ASAP2: variants seen among roughly 807,000 people sequenced by gnomAD.
The protein encoded by ASAP2 is arf-GAP with SH3 domain, ANK repeat and PH domain-containing protein 2.
ASAP2 carries 45 observed loss-of-function variants against 131.4 expected under a neutral mutation model. That is an observed-to-expected ratio of 0.34 (90% CI 0.27 to 0.44). The LOEUF is 0.44. Ranked by LOEUF, ASAP2 falls within the 20% of genes least tolerant of loss-of-function variation. The probability of loss-of-function intolerance (pLI) is 1.00; values close to 1 mark genes in which losing one functional copy is unlikely to be tolerated. For synonymous variants in ASAP2, 510 were observed against 503.0 expected, an observed-to-expected ratio of 1.01 and a Z score of -0.19; for missense variants, 1,011 against 1,297.0, an observed-to-expected ratio of 0.78 and a Z score of 3.39.
intron 16 of ASAP2, among the ~76,000 whole-genome samples, chr2:9,371,235 C>G (rs902322251): frequency 1.3e-5 from 2 of 152,218 alleles, no homozygotes; most frequent in African/African-American, 4.8e-5. Context: ...GAAACATCAG[C>G]TACTTCCATT....
intron 24 of ASAP2, among the ~76,000 whole-genome samples, chr2:9,397,903 C>T (rs1426395185): frequency 2.7e-5 from 4 of 150,004 alleles, no homozygotes; most frequent in South Asian, 4.2e-4. Context: ...GGACTACAGG[C>T]GCCCGCCACC....
At chr2:9,390,032 G>A (rs10210616) in intron 22 of ASAP2, among the ~76,000 whole-genome samples, 13,644 of 152,274 alleles carry the variant, frequency 0.09, 631 homozygotes, top group Non-Finnish European at 0.1. Flanking sequence ...CGGGAGGAAA[G>A]ATTTTATTTT....
intron 3 of ASAP2, among the ~76,000 whole-genome samples, chr2:9,300,411 T>G (rs899383320): frequency 6.6e-6 from 1 of 152,248 alleles, no homozygotes; most frequent in African/African-American, 2.4e-5. Flanking sequence ...TTATAAAATT[T>G]CCTGCAAAAG....
intron 11 of ASAP2, among the ~76,000 whole-genome samples, chr2:9,346,097 G>A (rs965337468): frequency 6.6e-6 from 1 of 152,028 alleles, no homozygotes; most frequent in African/African-American, 2.4e-5. Flanking sequence ...TACTCCCCCT[G>A]CCCCCGCGAC....
chr2:9,366,816 ATTC>A (rs1449091626), intron 15 of ASAP2, among the ~76,000 whole-genome samples: 1 of 152,028 alleles, frequency 6.6e-6, no homozygotes, highest in African/African-American at 2.4e-5. Context: ...ACCCCACATA[ATTC>A]TTCTGTTTTT....
rs1387399353 is a variant in ASAP2, at chr2:9,207,018, G to A, written c.-87G>A. On this transcript the variant is annotated 5_prime_UTR_variant, in exon 1 of 28. Coordinates refer to ENST00000281419, the MANE Select transcript of ASAP2 (RefSeq NM_003887.3). The surrounding 1 kb of genome is among the most constrained non-coding windows in gnomAD (Gnocchi z 4.1). Reference sequence around the variant, plus strand: ...GGGCCGGAGCGGCGGCGGCAGCGGCGGTGTCCGAGCGGCGGTCGGAGCCTG... The same window carrying A: ...GGGCCGGAGCGGCGGCGGCAGCGGCAGTGTCCGAGCGGCGGTCGGAGCCTG... The A allele has an allele frequency of 8.0e-6, 9 of 1,118,396 alleles. No homozygotes were observed. The highest frequency in any genetic ancestry group is 7.7e-6 in the Non-Finnish European group (7 of 911,380). 69.3% of individuals were successfully genotyped at this position (1,118,396 alleles called of 1,614,324 possible). A position where few individuals can be genotyped will look rare whatever the true frequency, so the allele number is the denominator to read the frequency against.
chr2:9,225,354 A>C (rs539393341), intron 1 of ASAP2, among the ~76,000 whole-genome samples: 2 of 152,330 alleles, frequency 1.3e-5, no homozygotes, highest in South Asian at 4.1e-4. Flanking sequence ...ACACTTGTCT[A>C]GTGGTCTGTA....
chr2:9,302,675 A>C (rs576720368), intron 3 of ASAP2, among the ~76,000 whole-genome samples: 1 of 150,274 alleles, frequency 6.7e-6, no homozygotes, highest in East Asian at 2.0e-4. Context: ...GGGTTTCTCC[A>C]TGTTGGCCAG....
chr2:9,271,963 T>A (rs888134657), intron 1 of ASAP2, among the ~76,000 whole-genome samples: 1 of 152,204 alleles, frequency 6.6e-6, no homozygotes, highest in Non-Finnish European at 1.5e-5. Flanking sequence ...CTTCTGTTAG[T>A]GGACACTTAG....
At chr2:9,321,944 G>A (rs1670173247) in intron 5 of ASAP2, among the ~76,000 whole-genome samples, 1 of 152,186 alleles carries the variant, frequency 6.6e-6, no homozygotes, top group African/African-American at 2.4e-5. Context: ...TTTGTGATAT[G>A]TAACAACCAT....
intron 1 of ASAP2, among the ~76,000 whole-genome samples, chr2:9,267,180 G>A (rs1231719506): frequency 1.3e-5 from 2 of 152,054 alleles, no homozygotes; most frequent in Non-Finnish European, 2.9e-5. Context: ...GGGGGTACAT[G>A]TGTAGGTTTG....
At chr2:9,254,755 A>G (rs1022941254) in intron 1 of ASAP2, among the ~76,000 whole-genome samples, 1 of 151,658 alleles carries the variant, frequency 6.6e-6, no homozygotes, top group Non-Finnish European at 1.5e-5. Context: ...GTCTGGTTTC[A>G]GGCATCCACT....
At chr2:9,282,921 G>A (rs965936621) in intron 2 of ASAP2, among the ~76,000 whole-genome samples, 8 of 152,172 alleles carry the variant, frequency 5.3e-5, no homozygotes, top group African/African-American at 1.9e-4. Flanking sequence ...CTGTACTTCT[G>A]TGTCTTTGCA....
At chr2:9,381,485 A>G (rs1174695720) in intron 20 of ASAP2, among the ~76,000 whole-genome samples, 4 of 152,264 alleles carry the variant, frequency 2.6e-5, no homozygotes, top group African/African-American at 4.8e-5. Context: ...TTGTAATCCC[A>G]AAGCTTTGGG....
intron 24 of ASAP2, among the ~76,000 whole-genome samples, chr2:9,394,295 G>C (rs1413618309): frequency 1.3e-5 from 2 of 151,152 alleles, no homozygotes; most frequent in Non-Finnish European, 2.9e-5. Flanking sequence ...CTCCCGAGTA[G>C]CTGGGACTAC....
chr2:9,225,469 G>A (rs959964607), intron 1 of ASAP2, among the ~76,000 whole-genome samples: 1 of 152,178 alleles, frequency 6.6e-6, no homozygotes, highest in South Asian at 2.1e-4. Flanking sequence ...CTAAATGAAA[G>A]CAAGTACTTT....
intron 16 of ASAP2, among the ~76,000 whole-genome samples, chr2:9,369,417 G>A (rs1449371666): frequency 1.3e-5 from 2 of 152,180 alleles, no homozygotes; most frequent in Non-Finnish European, 2.9e-5. Context: ...ACTAGTCTTC[G>A]AGAAGAGGTG....
chr2:9,403,186 A>G lies in ASAP2; in HGVS notation c.2947-67A>G, dbSNP rs1049088363. 19 of 1,401,442 alleles carry G rather than the reference A, an allele frequency of 1.4e-5. No homozygotes were observed. In the East Asian group the frequency reaches 3.0e-4, roughly 22 times the overall value. The allele number at this position is 1,401,442 out of a possible 1,614,324, so 86.8% of individuals were successfully genotyped here. A position where few individuals can be genotyped will look rare whatever the true frequency, so the allele number is the denominator to read the frequency against. On this transcript the variant is annotated intron_variant, in intron 27 of 27. Coordinates refer to ENST00000281419, the MANE Select transcript of ASAP2 (RefSeq NM_003887.3). ...CTTTTCTTCACCAAACGCTCTATGT[A>G]ATGCTCTTCAAAGTTTCCACCAACA...
intron 20 of ASAP2, 110 bp from the exon 21 acceptor site, chr2:9,385,135 T>A (rs1168819770): frequency 4.1e-6 from 3 of 729,642 alleles, no homozygotes; most frequent in Non-Finnish European, 7.0e-6. Flanking sequence ...GAGATTTCCA[T>A]GCATTTGCCT....
Sources: allele counts gnomAD v4.1 joint callset (sites outside exome capture counted in the v4.1 genomes callset), GRCh38; gene constraint gnomAD v4.1.1; non-coding constraint Gnocchi (gnomAD v3.1); transcripts MANE v1.5; gene names NCBI Gene and HGNC (gene_info 2026-07-23, HGNC 2026-07-21).